The following YOD1 variants were observed in gnomAD, a reference collection of about 807,000 sequenced individuals.
YOD1 encodes the protein ubiquitin thioesterase OTU1.
Under a neutral mutation model 23.7 loss-of-function variants are expected in YOD1, and 17 were observed. The observed-to-expected ratio is 0.72, with a 90% CI of 0.49 to 1.07. YOD1 has a LOEUF of 1.07. Ranked by LOEUF, YOD1 falls within the 50% of genes least tolerant of loss-of-function variation. YOD1 has a pLI of 0.00. For missense variants in YOD1, 413 were observed against 447.2 expected, an observed-to-expected ratio of 0.92 and a Z score of 0.69; for synonymous variants, 191 against 169.6, an observed-to-expected ratio of 1.13 and a Z score of -0.98.
rs1456317745 is a variant in YOD1, at chr1:207,046,113, G to C, written c.*2907C>G. ...CACCTGACCTTTAATCCAAAGAAAAGTAAGAGAAAGGAAGAAGGGTGGGGT... is the reference window on the plus strand; with the variant it reads ...CACCTGACCTTTAATCCAAAGAAAACTAAGAGAAAGGAAGAAGGGTGGGGT... On this transcript the variant is annotated 3_prime_UTR_variant, in exon 2 of 2. Transcript: ENST00000315927. 1 of 151,958 alleles carries C rather than the reference G, an allele frequency of 6.6e-6. No individual in the cohort carries two copies. Among genetic ancestry groups the C allele is most frequent in the Non-Finnish European group, 1.5e-5 (1 of 67,882 alleles). The allele number at this position is 151,958 out of a possible 1,614,324, so 9.4% of individuals were successfully genotyped here.
At chr1:207,049,912 A>C (rs1458148588) in intron 1 of YOD1, among the ~76,000 whole-genome samples, 189 bp from the exon 2 acceptor site, 2 of 152,248 alleles carry the variant, frequency 1.3e-5, no homozygotes, top group Non-Finnish European at 2.9e-5. Flanking sequence ...AAGATGAAAA[A>C]AGAACAAAAA....
In YOD1 at chr1:207,048,642, G is replaced by T. The variant is rs1213132560; in HGVS notation, c.*378C>A. 2 of 197,880 alleles carry T rather than the reference G, an allele frequency of 1.0e-5. No individual in the cohort carries two copies. Among genetic ancestry groups the T allele is most frequent in the African/African-American group, 4.7e-5 (2 of 42,372 alleles). The allele number at this position is 197,880 out of a possible 1,614,324, so 12.3% of individuals were successfully genotyped here. A position where few individuals can be genotyped will look rare whatever the true frequency, so the allele number is the denominator to read the frequency against. ...TTATAATACTCAATCTCAATCGTAT[G>T]CCCAGTGGACTCACAGGAGGCCTTC... On this transcript the variant is annotated 3_prime_UTR_variant, in exon 2 of 2. Coordinates refer to ENST00000315927, the MANE Select transcript of YOD1 (RefSeq NM_018566.4).
chr1:207,052,389 C>T, upstream of YOD1: 1 of 607,670 alleles, frequency 1.6e-6, no homozygotes. Flanking sequence ...TGGCCGGGCG[C>T]AGTGGCTCAC....
chr1:207,052,141 C>T (rs1258187472), upstream of YOD1: 3 of 1,593,588 alleles, frequency 1.9e-6, no homozygotes, highest in South Asian at 3.3e-5. Context: ...AACGGGCCCG[C>T]TGGGGCAACT....
At chr1:207,052,200 CTT>C (rs1227735344), upstream of YOD1, 7 of 1,612,782 alleles carry the variant, frequency 4.3e-6, no homozygotes, top group Admixed American at 1.7e-5. Flanking sequence ...CTGTAAAAGA[CTT>C]TGCTTCTGAA....
rs144995332 is a variant in YOD1 at position 207,049,176 on chromosome 1, T to C, written c.891A>G (p.Ala297=). 11 of 1,614,096 alleles carry C rather than the reference T, an allele frequency of 6.8e-6. No homozygotes were observed. Among genetic ancestry groups the C allele is most frequent in the Non-Finnish European group, 9.3e-6 (11 of 1,180,014 alleles). ...SSNDDIVLVQ[A]LELADEARRR... The stretch of plus-strand genomic sequence containing the variant: ...TTCTAGCTTCATCTGCTAATTCCAG[T>C]GCTTGTACAAGAACAATATCATCAT... The change falls in exon 2 of 2, where the codon GCA becomes GCG. Residue 297 remains alanine, a synonymous_variant. Coordinates refer to ENST00000315927, the MANE Select transcript of YOD1 (RefSeq NM_018566.4).
chr1:207,049,019 G>C lies in YOD1; in HGVS notation c.*1C>G, dbSNP rs774953465. ...GGCTTCAACCCTCATTCATGCATAGGTCACACTTCTCCAAAGTTGGTATGG... is the reference window on the plus strand; with the variant it reads ...GGCTTCAACCCTCATTCATGCATAGCTCACACTTCTCCAAAGTTGGTATGG... On this transcript the variant is annotated 3_prime_UTR_variant, in exon 2 of 2. Coordinates refer to ENST00000315927, the MANE Select transcript of YOD1 (RefSeq NM_018566.4). The C allele has an allele frequency of 3.7e-6, 6 of 1,612,236 alleles. No homozygotes were observed. The highest frequency in any genetic ancestry group is 5.1e-6 in the Non-Finnish European group (6 of 1,179,074).
At position 207,049,083 on chromosome 1, in the gene YOD1, A is replaced by C. The variant is rs1265887376; in HGVS notation, c.984T>G (p.Thr328=). ...LRCMVCQKGL[T]GQAEAREHAK... is the part of the protein sequence containing the mutation. ...CATGTTCCCTTGCTTCTGCTTGTCC[A>C]GTTAATCCTTTCTGACATACCATGC... The change falls in exon 2 of 2, where the codon ACT becomes ACG. Residue 328 remains threonine (T), a synonymous_variant. Coordinates refer to ENST00000315927, the MANE Select transcript of YOD1 (RefSeq NM_018566.4). The C allele has an allele frequency of 1.9e-6, 3 of 1,613,830 alleles. No homozygotes were observed. The highest frequency in any genetic ancestry group is 2.5e-6 in the Non-Finnish European group (3 of 1,180,024).
rs891025590 is a variant in YOD1, at chr1:207,048,853, A to G, written c.*167T>C. On this transcript the variant is annotated 3_prime_UTR_variant, in exon 2 of 2. Coordinates refer to ENST00000315927, the MANE Select transcript of YOD1 (RefSeq NM_018566.4). ...TAGACACACATCTGTAAACTTGCAC[A>G]CTAATTTTAATCTTAACAAGGAATT... 1 of 654,538 alleles carries G rather than the reference A, an allele frequency of 1.5e-6. No individual in the cohort carries two copies. Among genetic ancestry groups the G allele is most frequent in the Non-Finnish European group, 2.6e-6 (1 of 385,198 alleles). The allele number at this position is 654,538 out of a possible 1,614,324, so 40.5% of individuals were successfully genotyped here.
rs781226061 is a variant in YOD1 at position 207,050,643 on chromosome 1, T to G, written c.343+45A>C. The stretch of plus-strand genomic sequence containing the variant: ...TGTTTTGTTCTCTCTCACGCCCCTC[T>G]CCATCCTCCCGGGACTTTCCCTGGC... On this transcript the variant is annotated intron_variant, in intron 1 of 1. Coordinates refer to ENST00000315927, the MANE Select transcript of YOD1 (RefSeq NM_018566.4). 5 of 1,604,536 alleles carry G rather than the reference T, an allele frequency of 3.1e-6. No homozygotes were observed. In the South Asian group the frequency reaches 3.3e-5, roughly 11 times the overall value.
intron 1 of YOD1, among the ~76,000 whole-genome samples, chr1:207,050,153 C>T (rs1257964459): frequency 3.3e-5 from 5 of 152,178 alleles, no homozygotes; most frequent in Non-Finnish European, 7.3e-5. Context: ...ATTATAAACA[C>T]TGATGTTCAA....
rs1020705357 is a variant in YOD1 at position 207,050,809 on chromosome 1, G to A, written c.222C>T (p.Gly74=). Residue 74 remains glycine, a synonymous_variant, in exon 1 of 2, where the codon GGC becomes GGT. Coordinates refer to ENST00000315927, the MANE Select transcript of YOD1 (RefSeq NM_018566.4). ...SSRTRVRELQ[G]QIAAITGIAP... The stretch of plus-strand genomic sequence containing the variant: ...CGATCCCGGTGATGGCGGCAATTTG[G>A]CCCTGGAGTTCCCGCACCCGGGTCC... 1.2e-6 allele frequency: 2 copies of A among 1,613,202 alleles called. No individual in the cohort carries two copies. The highest frequency in any genetic ancestry group is 2.2e-5 in the East Asian group (1 of 44,880).
intron 1 of YOD1, 50 bp from the exon 2 acceptor site, chr1:207,049,773 C>G: frequency 6.6e-7 from 1 of 1,525,224 alleles, no homozygotes; most frequent in Non-Finnish European, 8.9e-7. Context: ...ACAGAAGAAA[C>G]CGAGTGTTCT....
chr1:207,050,962 GGA>G lies in YOD1; in HGVS notation c.67_68del (p.Ser23ProfsTer93). 1 of 1,556,182 alleles carries G rather than the reference GGA, an allele frequency of 6.4e-7. No individual in the cohort carries two copies. Among genetic ancestry groups the G allele is most frequent in the Non-Finnish European group, 8.7e-7 (1 of 1,148,196 alleles). On this transcript the variant is annotated frameshift_variant, in exon 1 of 2. Transcript: ENST00000315927. LOFTEE classifies it high-confidence loss of function. ...CAGCTTTGGTCCCGGCAGCCTGTTG[GGA>G]GACGCCGCCGGGGAAACCAGGCGCC... is the stretch of plus-strand genomic sequence containing the variant. ...HPAPGFPGGV[S>X]QQAAGTKAGP...
In YOD1 at chr1:207,049,089, T is replaced by A; in HGVS notation, c.978A>T (p.Gly326=). 6.2e-7 allele frequency: 1 copy of A among 1,613,938 alleles called. No homozygotes were observed. Among genetic ancestry groups the A allele is most frequent in the Non-Finnish European group, 8.5e-7 (1 of 1,180,004 alleles). The stretch of plus-strand genomic sequence containing the variant: ...CCCTTGCTTCTGCTTGTCCAGTTAA[T>A]CCTTTCTGACATACCATGCATCTCA... ...FTLRCMVCQK[G]LTGQAEAREH... is the part of the protein sequence containing the mutation. The change falls in exon 2 of 2, where the codon GGA becomes GGT. Residue 326 remains glycine (G), a synonymous_variant. Coordinates refer to ENST00000315927, the MANE Select transcript of YOD1 (RefSeq NM_018566.4).
chr1:207,048,807 TG>T lies in YOD1; in HGVS notation c.*212del. ...TCTGTCACTCCAGCAGAAAGAGGCA[TG>T]TATGTACAGTTTACCACTGTAGACA... On this transcript the variant is annotated 3_prime_UTR_variant, in exon 2 of 2. Transcript: ENST00000315927. 1.8e-6 allele frequency: 1 copy of T among 549,826 alleles called. No homozygotes were observed. Among genetic ancestry groups the T allele is most frequent in the Non-Finnish European group, 3.2e-6 (1 of 310,092 alleles). The allele number at this position is 549,826 out of a possible 1,614,324, so 34.1% of individuals were successfully genotyped here. A position where few individuals can be genotyped will look rare whatever the true frequency, so the allele number is the denominator to read the frequency against.
At position 207,046,396 on chromosome 1, in the gene YOD1, A is replaced by G. The variant is rs1682602030; in HGVS notation, c.*2624T>C. The G allele has an allele frequency of 6.6e-6, 1 of 152,084 alleles. No individual in the cohort carries two copies. Among genetic ancestry groups the G allele is most frequent in the Non-Finnish European group, 1.5e-5 (1 of 67,924 alleles). 9.4% of individuals were successfully genotyped at this position (152,084 alleles called of 1,614,324 possible). On this transcript the variant is annotated 3_prime_UTR_variant, in exon 2 of 2. Transcript: ENST00000315927. ...CAGTAAAAAATGAAAAAACAAACAA[A>G]CAAAAAGCAAACCCCTGTAAATTCT...
In YOD1 at chr1:207,050,751, G is replaced by A; in HGVS notation, c.280C>T (p.Pro94Ser). 6.2e-7 allele frequency: 1 copy of A among 1,613,382 alleles called. No homozygotes were observed. Among genetic ancestry groups the A allele is most frequent in the Non-Finnish European group, 8.5e-7 (1 of 1,180,036 alleles). Residue 94 changes from proline (P) to serine (S), a missense_variant, in exon 1 of 2, where the codon CCT (proline) becomes TCT (serine). Pro to Ser is a moderately conservative substitution (Grantham distance 74). Transcript: ENST00000315927. ...TTGCTGAGATCCAGGCACTCGGGAG[G>A]GTATCCGACGAGGATTCGCTGACCG... ...PGGQRILVGY[P>S]PECLDLSNGD... is the part of the protein sequence containing the mutation.
chr1:207,050,947 C>G lies in YOD1; in HGVS notation c.84G>C (p.Gly28=). The change falls in exon 1 of 2, where the codon GGG becomes GGC. Residue 28 remains glycine, a synonymous_variant. Transcript: ENST00000315927. ...AGGCACCCGCGGGGCCAGCTTTGGTCCCGGCAGCCTGTTGGGAGACGCCGC... is the reference window on the plus strand; with the variant it reads ...AGGCACCCGCGGGGCCAGCTTTGGTGCCGGCAGCCTGTTGGGAGACGCCGC... ...FPGGVSQQAA[G]TKAGPAGAWP... 6.3e-7 allele frequency: 1 copy of G among 1,574,806 alleles called. No homozygotes were observed. The highest frequency in any genetic ancestry group is 1.1e-5 in the South Asian group (1 of 88,130).
Sources: allele counts gnomAD v4.1 joint callset (sites outside exome capture counted in the v4.1 genomes callset), GRCh38; gene constraint gnomAD v4.1.1; transcripts MANE v1.5; gene names NCBI Gene and HGNC (gene_info 2026-07-23, HGNC 2026-07-21).